The following PADI3 variants were observed in gnomAD, a reference collection of about 807,000 sequenced individuals.
The protein encoded by PADI3 is peptidyl arginine deiminase 3.
Under a neutral mutation model 71.5 loss-of-function variants are expected in PADI3, and 53 were observed. The ratio of observed to expected loss-of-function variants is 0.74; its 90% CI spans 0.59 to 0.93. The LOEUF is 0.93. Among genes scored for constraint, PADI3 ranks in the 40% least tolerant of loss-of-function variants. PADI3 has a pLI of 0.00. For synonymous variants in PADI3, 361 were observed against 347.5 expected (o/e 1.04, Z -0.43); for missense variants, 821 against 868.0 (o/e 0.95, Z 0.68).
intron 1 of PADI3, among the ~76,000 whole-genome samples, chr1:17,255,114 C>T (rs1388201814): frequency 1.3e-5 from 2 of 152,208 alleles, no homozygotes; most frequent in Non-Finnish European, 2.9e-5. Flanking sequence ...CAAGGCCCCA[C>T]CTGGAGCACT....
intron 15 of PADI3, among the ~76,000 whole-genome samples, 169 bp from the exon 16 acceptor site, chr1:17,282,677 G>C (rs926423513): frequency 6.6e-6 from 1 of 152,230 alleles, no homozygotes; most frequent in Non-Finnish European, 1.5e-5. Flanking sequence ...AAGGCACCTG[G>C]CTAACCGGTT....
At chr1:17,274,916 C>G (rs565438732) in intron 11 of PADI3, 130 bp downstream of exon 11, 1 of 980,532 alleles carries the variant, frequency 1.0e-6, no homozygotes, top group Non-Finnish European at 1.5e-6. Context: ...ATTATACTCC[C>G]GGATGTGCTG....
chr1:17,265,834 A>G (rs1569894312), intron 4 of PADI3, 114 bp downstream of exon 4: 2 of 893,240 alleles, frequency 2.2e-6, no homozygotes, highest in East Asian at 5.0e-5. Context: ...GCTGATGCCG[A>G]GACCAAGGGC....
chr1:17,281,237 T>A (rs1396380916), intron 15 of PADI3, among the ~76,000 whole-genome samples: 1 of 152,200 alleles, frequency 6.6e-6, no homozygotes, highest in Non-Finnish European at 1.5e-5. Flanking sequence ...TTCAGTCTAA[T>A]CGGTTGAGAG....
At chr1:17,270,621 C>T (rs1256512171) in intron 7 of PADI3, among the ~76,000 whole-genome samples, 1 of 151,926 alleles carries the variant, frequency 6.6e-6, no homozygotes, top group Non-Finnish European at 1.5e-5. Context: ...CTGCACTCCA[C>T]AGCCTGGGCA....
At chr1:17,276,699 A>ATCTGGGGCAAGAACTGAGC in intron 12 of PADI3, 36 bp downstream of exon 12, 1 of 1,614,020 alleles carries the variant, frequency 6.2e-7, no homozygotes, top group Non-Finnish European at 8.5e-7. Flanking sequence ...TTTCCCTGGC[A>ATCTGGGGCAAGAACTGAGC]TCTGGGGCAA....
chr1:17,249,330 A>T (rs2072938084), intron 1 of PADI3, 101 bp downstream of exon 1: 1 of 954,996 alleles, frequency 1.0e-6, no homozygotes, highest in Non-Finnish European at 1.7e-6. Context: ...CCCACTCCCC[A>T]GCCTTGGCCT....
At chr1:17,262,918 G>A (rs2073120848) in intron 3 of PADI3, among the ~76,000 whole-genome samples, 1 of 152,022 alleles carries the variant, frequency 6.6e-6, no homozygotes, top group African/African-American at 2.4e-5. Flanking sequence ...TTTTTTGTTT[G>A]TTTGTTTGTT....
chr1:17,260,287 C>T (rs971186628), intron 2 of PADI3, among the ~76,000 whole-genome samples: 5 of 152,168 alleles, frequency 3.3e-5, no homozygotes, highest in Non-Finnish European at 5.9e-5. Context: ...CTTCCTGACC[C>T]TATTTGCAGG....
In PADI3 at chr1:17,270,992, G is replaced by A; in HGVS notation, c.935+10G>A. 1 of 1,613,696 alleles carries A rather than the reference G, an allele frequency of 6.2e-7. No individual in the cohort carries two copies. Among genetic ancestry groups the A allele is most frequent in the Non-Finnish European group, 8.5e-7 (1 of 1,179,730 alleles). ...AGGTGTATGTGTGCCGGTGAGTCTT[G>A]GGGCAGTGGGTGGTCCCTCTGGCCC... On this transcript the variant is annotated intron_variant, in intron 8 of 15. Transcript: ENST00000375460.
Position 17,266,631 on chromosome 1 carries a change from G to A in PADI3, c.409-88G>A. On this transcript the variant is annotated intron_variant, in intron 4 of 15. Coordinates refer to ENST00000375460, the MANE Select transcript of PADI3 (RefSeq NM_016233.2). ...CGTGGACCTAGCCTCACAGGGTTGG[G>A]TGGTTACAGGCCAGGCTCGGGTTCC... 3.9e-6 allele frequency: 4 copies of A among 1,032,246 alleles called. No homozygotes were observed. The South Asian group carries it at 5.2e-5, about 13-fold the overall frequency. The allele number at this position is 1,032,246 out of a possible 1,614,324, so 63.9% of individuals were successfully genotyped here.
rs2073172228 is a variant in PADI3 at position 17,266,656 on chromosome 1, C to T, written c.409-63C>T. On this transcript the variant is annotated intron_variant, in intron 4 of 15. Transcript: ENST00000375460. ...GTGGTTACAGGCCAGGCTCGGGTTC[C>T]TGGGTAGGGAGGCACAGGTCTCATC... 3.2e-5 allele frequency: 45 copies of T among 1,422,968 alleles called. 1 individual carries two copies. In the South Asian group the frequency reaches 5.0e-4, roughly 16 times the overall value. The allele number at this position is 1,422,968 out of a possible 1,614,324, so 88.1% of individuals were successfully genotyped here.
intron 6 of PADI3, among the ~76,000 whole-genome samples, chr1:17,269,145 A>G (rs1427579857): frequency 6.6e-6 from 1 of 151,656 alleles, no homozygotes; most frequent in South Asian, 2.1e-4. Flanking sequence ...TTGGCCTCTC[A>G]AAGTACTAGG....
At chr1:17,275,098 T>C (rs1456365536) in intron 11 of PADI3, among the ~76,000 whole-genome samples, 2 of 152,084 alleles carry the variant, frequency 1.3e-5, no homozygotes, top group Non-Finnish European at 2.9e-5. Flanking sequence ...TCAAGTTTTC[T>C]GATTCTGAAA....
In PADI3 at chr1:17,270,995, G is replaced by A. The variant is rs1230016783; in HGVS notation, c.935+13G>A. ...TGTATGTGTGCCGGTGAGTCTTGGG[G>A]CAGTGGGTGGTCCCTCTGGCCCCCA... On this transcript the variant is annotated intron_variant, in intron 8 of 15. Transcript: ENST00000375460. 2 of 1,613,012 alleles carry A rather than the reference G, an allele frequency of 1.2e-6. No homozygotes were observed. The highest frequency in any genetic ancestry group is 1.3e-5 in the African/African-American group (1 of 75,002).
Position 17,250,719 on chromosome 1 carries a change from C to A in PADI3, c.92+1490C>A, listed in dbSNP as rs147579273. ...AGGAGGGGTATCTGCCACTTGGCAC[C>A]ACTGCCTGCCTGCCATGGGGTGACT... On this transcript the variant is annotated intron_variant, in intron 1 of 15. Transcript: ENST00000375460. 2.0e-3 allele frequency among the ~76,000 whole-genome samples: 308 copies of A among 152,278 alleles called. 1 individual carries two copies. The highest frequency in any genetic ancestry group is 6.8e-3 in the Middle Eastern group (2 of 294).
At chr1:17,264,574 A>G (rs2073142148) in intron 3 of PADI3, among the ~76,000 whole-genome samples, 1 of 152,000 alleles carries the variant, frequency 6.6e-6, no homozygotes, top group African/African-American at 2.4e-5. Flanking sequence ...CCCAAATAAC[A>G]TGGTCTCATT....
intron 5 of PADI3, 131 bp from the exon 6 acceptor site, chr1:17,267,706 G>A (rs1172053960): frequency 2.9e-6 from 3 of 1,022,756 alleles, no homozygotes; most frequent in Non-Finnish European, 4.3e-6. Context: ...GGCTTCCAGG[G>A]TTTTCACAAA....
In PADI3 at chr1:17,271,081, C is replaced by T. The variant is rs147256594; in HGVS notation, c.950C>T (p.Thr317Met). 1.2e-5 allele frequency: 20 copies of T among 1,614,078 alleles called. No individual in the cohort carries two copies. The highest frequency in any genetic ancestry group is 5.5e-5 in the South Asian group (5 of 91,082). ...EVYVCRVRNN[T>M]CFVDAVAELA... Reference sequence around the variant, plus strand: ...CTTGTCCGTAGTGTGAGGAACAACACGTGTTTTGTGGATGCGGTGGCAGAG... The same window carrying T: ...CTTGTCCGTAGTGTGAGGAACAACATGTGTTTTGTGGATGCGGTGGCAGAG... The change falls in exon 9 of 16, where the codon ACG (threonine) becomes ATG (methionine). Residue 317 changes from threonine to methionine, a missense_variant. By Grantham distance (81) the Thr-to-Met change is moderately conservative. Coordinates refer to ENST00000375460, the MANE Select transcript of PADI3 (RefSeq NM_016233.2).
Sources: gnomAD v4.1 joint callset for allele counts (sites outside exome capture counted in the v4.1 genomes callset) on GRCh38, gnomAD v4.1.1 for gene constraint, MANE v1.5 for transcripts, NCBI Gene and HGNC (gene_info 2026-07-23, HGNC 2026-07-21) for gene names.